Variants in CD2AP observed in about 807,000 individuals in gnomAD.
CD2AP encodes the protein CD2-associated protein.
Under a neutral mutation model 85.1 loss-of-function variants are expected in CD2AP, and 46 were observed. The ratio of observed to expected loss-of-function variants is 0.54; its 90% confidence interval spans 0.43 to 0.69. The LOEUF (loss-of-function observed/expected upper bound fraction) is 0.69, where lower values mean the gene tolerates loss of function less well. Ranked by LOEUF, CD2AP falls within the 30% of genes least tolerant of loss-of-function variation. The pLI, the probability that CD2AP is intolerant of heterozygous loss-of-function variation, is 0.00. For synonymous variants in CD2AP, 255 were observed against 252.9 expected, an observed-to-expected ratio of 1.01 and a Z score of -0.08; for missense variants, 769 against 729.5, an observed-to-expected ratio of 1.05 and a Z score of -0.62.
At chr6:47,522,215 C>A (rs1443871988) in intron 2 of CD2AP, among the ~76,000 whole-genome samples, 1 of 152,072 alleles carries the variant, frequency 6.6e-6, no homozygotes, top group Non-Finnish European at 1.5e-5. Flanking sequence ...AGCGCCAGAG[C>A]ACAGAGAGTC....
In CD2AP at chr6:47,606,273, A is replaced by C; in HGVS notation, c.1526A>C (p.His509Pro). 6.5e-7 allele frequency: 1 copy of C among 1,549,560 alleles called. No individual in the cohort carries two copies. The highest frequency in any genetic ancestry group is 2.2e-5 in the East Asian group (1 of 44,546). ...TTGCCGGGCCGTTTCAATGGTGGAC[A>C]TTCTGTGAGTTCATCTAATTGTCGT... is the stretch of plus-strand genomic sequence containing the variant. Reference protein sequence around the residue: ...RRLPGRFNGGHSPTHSPEKIL... With the variant: ...RRLPGRFNGGPSPTHSPEKIL... The change falls in exon 14 of 18, where the codon CAT becomes CCT. Residue 509 changes from histidine (H) to proline (P), a missense_variant. His to Pro is a moderately conservative substitution (Grantham distance 77). Coordinates refer to ENST00000359314, the MANE Select transcript of CD2AP (RefSeq NM_012120.3).
At chr6:47,523,937 C>A (rs1433273272) in intron 2 of CD2AP, among the ~76,000 whole-genome samples, 1 of 151,950 alleles carries the variant, frequency 6.6e-6, no homozygotes, top group Non-Finnish European at 1.5e-5. Context: ...TCTTTATAAC[C>A]CTCCCTCAGC....
At chr6:47,505,864 T>G (rs1268888481) in intron 2 of CD2AP, among the ~76,000 whole-genome samples, 1 of 106,152 alleles carries the variant, frequency 9.4e-6, no homozygotes. Flanking sequence ...ACCCCCCACC[T>G]CCCTCCCGGA....
At chr6:47,495,309 G>A (rs185225404) in intron 1 of CD2AP, among the ~76,000 whole-genome samples, 35 of 152,252 alleles carry the variant, frequency 2.3e-4, no homozygotes, top group Non-Finnish European at 4.4e-4. Flanking sequence ...GAACAGTCAC[G>A]TCAAGATGGA....
chr6:47,545,068 A>G, intron 4 of CD2AP: 2 of 193,140 alleles, frequency 1.0e-5, no homozygotes, highest in Non-Finnish European at 1.1e-5. Flanking sequence ...TGTTTGAATT[A>G]TCACATTCAA....
intron 1 of CD2AP, among the ~76,000 whole-genome samples, chr6:47,498,771 AT>A (rs1433921432): frequency 6.6e-6 from 1 of 152,134 alleles, no homozygotes; most frequent in Non-Finnish European, 1.5e-5. Flanking sequence ...TTGTGTGTGT[AT>A]TTTAACTTTT....
At chr6:47,508,546 G>GT (rs59914741) in intron 2 of CD2AP, among the ~76,000 whole-genome samples, 1,119 of 91,470 alleles carry the variant, frequency 0.012, 20 homozygotes, top group African/African-American at 0.038. Context: ...TTTTTTTTTT[G>GT]TTTTTTTTTT....
intron 3 of CD2AP, among the ~76,000 whole-genome samples, chr6:47,539,296 GA>G (rs771162349): frequency 3.9e-5 from 6 of 152,184 alleles, no homozygotes; most frequent in Non-Finnish European, 8.8e-5. Context: ...TAATTTAGAT[GA>G]AAAGGTAATT....
chr6:47,597,809 C>G (rs1045698088), intron 12 of CD2AP, among the ~76,000 whole-genome samples: 2 of 150,448 alleles, frequency 1.3e-5, no homozygotes, highest in Non-Finnish European at 3.0e-5. Flanking sequence ...TTGGGACTGT[C>G]GAGGCTGCAG....
chr6:47,542,495 T>G (rs1266698893), intron 3 of CD2AP, among the ~76,000 whole-genome samples: 1 of 152,162 alleles, frequency 6.6e-6, no homozygotes, highest in East Asian at 1.9e-4. Flanking sequence ...GAGAAATGAA[T>G]AAGTCATGAG....
chr6:47,539,116 A>G (rs1184111134), intron 3 of CD2AP, among the ~76,000 whole-genome samples: 3 of 152,188 alleles, frequency 2.0e-5, no homozygotes, highest in African/African-American at 7.2e-5. Context: ...ACAGTCTAGC[A>G]GGGGCGAACA....
intron 1 of CD2AP, among the ~76,000 whole-genome samples, chr6:47,481,423 G>C (rs1027977331): frequency 2.0e-5 from 3 of 152,076 alleles, no homozygotes; most frequent in African/African-American, 7.2e-5. Flanking sequence ...TCGGCTCACC[G>C]CAACCTCCGC....
rs1249990262 is a variant in CD2AP, at chr6:47,538,323, C to T, written c.319+4568C>T. Among the ~76,000 whole-genome samples the T allele has an allele frequency of 2.0e-5, 3 of 152,018 alleles. No homozygotes were observed. In the East Asian group the frequency reaches 5.8e-4, roughly 29 times the overall value. On this transcript the variant is annotated intron_variant, in intron 3 of 17. Coordinates refer to ENST00000359314, the MANE Select transcript of CD2AP (RefSeq NM_012120.3). The stretch of plus-strand genomic sequence containing the variant: ...GTGCCATGATCTCGGCTCACTGCAC[C>T]CTTCGCCTTCCAGGTTCAACCGATT...
Position 47,599,420 on chromosome 6 carries a change from C to T in CD2AP, c.1394C>T (p.Thr465Ile). Residue 465 changes from threonine to isoleucine, a missense_variant, in exon 13 of 18, where the codon ACA (threonine) becomes ATA (isoleucine). By Grantham distance (89) the Thr-to-Ile change is moderately conservative (BLOSUM62 -1). Transcript: ENST00000359314. ...AAATCAGTAGACTTTGATTCACTTA[C>T]AGTAAGGACCTCCAAAGAAACAGGT... is the stretch of plus-strand genomic sequence containing the variant. Reference protein sequence around the residue: ...RPKSVDFDSLTVRTSKETDVV... With the variant: ...RPKSVDFDSLIVRTSKETDVV... 1 of 1,611,892 alleles carries T rather than the reference C, an allele frequency of 6.2e-7. No homozygotes were observed. The highest frequency in any genetic ancestry group is 8.5e-7 in the Non-Finnish European group (1 of 1,178,924).
chr6:47,560,164 G>A (rs1767815112), intron 5 of CD2AP, among the ~76,000 whole-genome samples: 1 of 151,896 alleles, frequency 6.6e-6, no homozygotes, highest in African/African-American at 2.4e-5. Flanking sequence ...CCTGATTTAC[G>A]AATTTTTAAC....
intron 1 of CD2AP, among the ~76,000 whole-genome samples, chr6:47,479,602 G>A (rs1765394740): frequency 6.6e-6 from 1 of 152,106 alleles, no homozygotes; most frequent in African/African-American, 2.4e-5. Context: ...GGGCAATTGT[G>A]GGCATATTCT....
rs1428713911 is a variant in CD2AP at position 47,566,323 on chromosome 6, T to TACACAC, written c.542-7736_542-7735insCACACA. Among the ~76,000 whole-genome samples the TACACAC allele has an allele frequency of 2.2e-3, 240 of 107,682 alleles. 4 individuals carry two copies. Among genetic ancestry groups the TACACAC allele is most frequent in the South Asian group, 8.1e-3 (23 of 2,826 alleles). 70.6% of individuals were successfully genotyped at this position (107,682 alleles called of 152,430 possible). ...TAGAATATATATATATATATATATA[T>TACACAC]ACACATACACATATATATATATGTA... On this transcript the variant is annotated intron_variant, in intron 5 of 17. Transcript: ENST00000359314.
intron 13 of CD2AP, among the ~76,000 whole-genome samples, chr6:47,602,759 TGCA>T (rs1192210660): frequency 4.6e-5 from 7 of 150,688 alleles, no homozygotes; most frequent in African/African-American, 1.7e-4. Context: ...CATGATGGTG[TGCA>T]CCTGTAGTCC....
At chr6:47,488,007 A>G (rs1765607872) in intron 1 of CD2AP, among the ~76,000 whole-genome samples, 2 of 151,632 alleles carry the variant, frequency 1.3e-5, no homozygotes, top group Admixed American at 1.3e-4. Context: ...TTACTGTTTC[A>G]AGATAATGGA....
Sources: allele counts gnomAD v4.1 joint callset (sites outside exome capture counted in the v4.1 genomes callset), GRCh38; gene constraint gnomAD v4.1.1; transcripts MANE v1.5; gene names NCBI Gene and HGNC (gene_info 2026-07-23, HGNC 2026-07-21).